Variants in SYCP2 observed in about 807,000 individuals in gnomAD.
The protein encoded by SYCP2 is synaptonemal complex protein 2, also known as synaptonemal complex lateral element protein.
A neutral mutation model predicts 211.3 loss-of-function variants in SYCP2; 55 were observed. That is an observed-to-expected ratio of 0.26 (90% CI 0.21 to 0.33). SYCP2 has a LOEUF of 0.33. Ranked by LOEUF, SYCP2 falls within the 10% of genes least tolerant of loss-of-function variation. The pLI is 1.00. For missense variants in SYCP2, 1,731 were observed against 1,752.0 expected (o/e 0.99, Z 0.21); for synonymous variants, 570 against 555.2 (o/e 1.03, Z -0.37).
chr20:59,914,772 A>AT (rs2060403358), intron 10 of SYCP2, among the ~76,000 whole-genome samples: 1 of 151,798 alleles, frequency 6.6e-6, no homozygotes, highest in Non-Finnish European at 1.5e-5. Context: ...CCCTAATTTC[A>AT]TAAAAAAATC....
At chr20:59,886,399 AT>A (rs1391272234) in intron 25 of SYCP2, among the ~76,000 whole-genome samples, 1 of 152,080 alleles carries the variant, frequency 6.6e-6, no homozygotes, top group Non-Finnish European at 1.5e-5. Flanking sequence ...ATTTAAATAT[AT>A]TTATTCATTA....
At chr20:59,881,371 G>A (rs1194579629) in intron 29 of SYCP2, 66 bp downstream of exon 29, 2 of 833,134 alleles carry the variant, frequency 2.4e-6, no homozygotes, top group East Asian at 2.9e-5. Context: ...AAAACTCTAA[G>A]ACTGGGAGGA....
chr20:59,880,487 T>G lies in SYCP2; in HGVS notation c.2773-16A>C. 2 of 1,456,198 alleles carry G rather than the reference T, an allele frequency of 1.4e-6. No individual in the cohort carries two copies. The highest frequency in any genetic ancestry group is 2.2e-5 in the Admixed American group (1 of 44,896). 90.2% of individuals were successfully genotyped at this position (1,456,198 alleles called of 1,614,324 possible). A position where few individuals can be genotyped will look rare whatever the true frequency, so the allele number is the denominator to read the frequency against. On this transcript the variant is annotated splice_polypyrimidine_tract_variant and intron_variant, in intron 30 of 44. Transcript: ENST00000357552. ...TTGTTATAATCTATAAAAAAAAGTT[T>G]GAAATGCATGAAGAAATACTACATC... is the stretch of plus-strand genomic sequence containing the variant.
intron 8 of SYCP2, 62 bp from the exon 9 acceptor site, chr20:59,915,612 T>TA (rs2060424441): frequency 9.5e-7 from 1 of 1,048,378 alleles, no homozygotes. Flanking sequence ...TTAAGAGAAA[T>TA]ATTCTAGGCA....
At chr20:59,895,631 T>C in intron 19 of SYCP2, 34 bp from the exon 20 acceptor site, 1 of 1,605,636 alleles carries the variant, frequency 6.2e-7, no homozygotes, top group Non-Finnish European at 8.5e-7. Flanking sequence ...AGATTTTTCT[T>C]TTTTTACCTA....
chr20:59,892,741 A>T, intron 22 of SYCP2, 40 bp from the exon 23 acceptor site: 1 of 1,572,298 alleles, frequency 6.4e-7, no homozygotes, highest in Non-Finnish European at 8.6e-7. Flanking sequence ...ACAAAACATT[A>T]GCCTGTGACT....
Position 59,901,644 on chromosome 20 carries a change from T to G in SYCP2, c.1182+18A>C. 7.4e-7 allele frequency: 1 copy of G among 1,356,726 alleles called. No homozygotes were observed. The highest frequency in any genetic ancestry group is 1.0e-6 in the Non-Finnish European group (1 of 988,624). 84.0% of individuals were successfully genotyped at this position (1,356,726 alleles called of 1,614,324 possible). A position where few individuals can be genotyped will look rare whatever the true frequency, so the allele number is the denominator to read the frequency against. On this transcript the variant is annotated intron_variant, in intron 16 of 44. Coordinates refer to ENST00000357552, the MANE Select transcript of SYCP2 (RefSeq NM_014258.4). Reference sequence around the variant, plus strand: ...GAATTATGAAAATAGTAAATATTTATTAAGTTTAAAGACTTACCCTATGTT... The same window carrying G: ...GAATTATGAAAATAGTAAATATTTAGTAAGTTTAAAGACTTACCCTATGTT...
At chr20:59,919,337 C>A (rs186706265) in intron 6 of SYCP2, 155 bp from the exon 7 acceptor site, 24 of 675,150 alleles carry the variant, frequency 3.6e-5, no homozygotes, top group Non-Finnish European at 5.6e-5. Context: ...ATTATATTTA[C>A]CAGAATAAAT....
At chr20:59,887,323 G>A (rs530094942) in intron 24 of SYCP2, among the ~76,000 whole-genome samples, 1 of 152,238 alleles carries the variant, frequency 6.6e-6, no homozygotes, top group South Asian at 2.1e-4. Flanking sequence ...CAAAGGACAT[G>A]AACTCATCCT....
chr20:59,892,794 G>A (rs1260986826), intron 22 of SYCP2, 93 bp from the exon 23 acceptor site: 14 of 1,147,644 alleles, frequency 1.2e-5, no homozygotes, highest in East Asian at 5.3e-5. Context: ...TACTGAAAGC[G>A]ATTACTTATG....
At chr20:59,923,764 G>A (rs1012420656) in intron 2 of SYCP2, among the ~76,000 whole-genome samples, 6 of 151,722 alleles carry the variant, frequency 4.0e-5, no homozygotes, top group African/African-American at 1.5e-4. Flanking sequence ...AGTAGTGAAA[G>A]AATACGTAAC....
chr20:59,919,240 A>G, intron 6 of SYCP2, 58 bp from the exon 7 acceptor site: 1 of 892,086 alleles, frequency 1.1e-6, no homozygotes, highest in Non-Finnish European at 1.8e-6. Flanking sequence ...AAACCATTAC[A>G]ATATTATAAA....
intron 21 of SYCP2, 43 bp from the exon 22 acceptor site, chr20:59,893,242 A>C: frequency 7.5e-7 from 1 of 1,340,762 alleles, no homozygotes; most frequent in South Asian, 1.2e-5. Flanking sequence ...TTTTTCATGC[A>C]GTTGGCAGGG....
chr20:59,903,173 G>A (rs568648610), intron 15 of SYCP2, among the ~76,000 whole-genome samples: 1 of 152,076 alleles, frequency 6.6e-6, no homozygotes, highest in East Asian at 1.9e-4. Context: ...TTTAATGATT[G>A]CTTTGTTGAA....
chr20:59,931,752 G>T (rs2060746456), intron 2 of SYCP2, among the ~76,000 whole-genome samples: 1 of 152,014 alleles, frequency 6.6e-6, no homozygotes, highest in African/African-American at 2.4e-5. Context: ...AAGTCAGTTG[G>T]GGAAAAACAA....
At chr20:59,924,975 A>G (rs1488287998) in intron 2 of SYCP2, among the ~76,000 whole-genome samples, 1 of 150,276 alleles carries the variant, frequency 6.7e-6, no homozygotes, top group East Asian at 1.9e-4. Flanking sequence ...TCACTACTTC[A>G]TACCATCTCA....
chr20:59,879,656 G>A (rs1600836317), intron 31 of SYCP2, among the ~76,000 whole-genome samples: 2 of 150,448 alleles, frequency 1.3e-5, no homozygotes, highest in African/African-American at 2.4e-5. Context: ...AGAGAAAGCA[G>A]AAGCCACTTT....
Position 59,881,455 on chromosome 20 carries a change from G to T in SYCP2, c.2696C>A (p.Ala899Glu), listed in dbSNP as rs377434265. 1.3e-6 allele frequency: 2 copies of T among 1,537,328 alleles called. No homozygotes were observed. Among genetic ancestry groups the T allele is most frequent in the Non-Finnish European group, 8.8e-7 (1 of 1,135,600 alleles). The change falls in exon 29 of 45, where the codon GCG (alanine) becomes GAG (glutamate). Residue 899 changes from alanine to glutamate, a missense_variant. Coordinates refer to ENST00000357552, the MANE Select transcript of SYCP2 (RefSeq NM_014258.4). Reference protein sequence around the residue: ...EFQATAKEACADRSIRLVGPR... With the variant: ...EFQATAKEACEDRSIRLVGPR... Reference sequence around the variant, plus strand: ...TACCTACAATCTAATTGACCTATCCGCACAAGCTTCTTTAGCTGTAGCTTG... The same window carrying T: ...TACCTACAATCTAATTGACCTATCCTCACAAGCTTCTTTAGCTGTAGCTTG...
intron 44 of SYCP2, 71 bp from the exon 45 acceptor site, chr20:59,864,459 A>T (rs2059291171): frequency 1.0e-6 from 1 of 978,234 alleles, no homozygotes; most frequent in Non-Finnish European, 1.5e-6. Context: ...ATAAAATAGA[A>T]AAAAAAAAAT....
Sources: allele counts gnomAD v4.1 joint callset (sites outside exome capture counted in the v4.1 genomes callset), GRCh38; gene constraint gnomAD v4.1.1; transcripts MANE v1.5; gene names NCBI Gene and HGNC (gene_info 2026-07-23, HGNC 2026-07-21).